The following ANXA8 variants were observed in gnomAD, a reference collection of about 807,000 sequenced individuals.
The protein encoded by ANXA8 is annexin A8.
In ANXA8, 9 loss-of-function variants were observed where a neutral mutation model predicts 26.8. The observed-to-expected ratio is 0.34, with a 90% CI of 0.20 to 0.59. The LOEUF (loss-of-function observed/expected upper bound fraction) is 0.59, where lower values mean the gene tolerates loss of function less well. Ranked by LOEUF, ANXA8 falls within the 20% of genes least tolerant of loss-of-function variation. ANXA8 has a pLI of 0.84. For synonymous variants in ANXA8, 39 were observed against 94.8 expected, an observed-to-expected ratio of 0.41 and a Z score of 3.42; for missense variants, 83 against 238.5, an observed-to-expected ratio of 0.35 and a Z score of 4.29.
chr10:47,955,471 C>CT, the ANXA8 span, among the ~76,000 whole-genome samples: 10 of 149,772 alleles, frequency 6.7e-5, no homozygotes, highest in Non-Finnish European at 1.3e-4. Context: ...TACCTGGGCT[C>CT]TATGGCATAG....
the ANXA8 span, chr10:47,970,106 C>T: frequency 6.6e-6 from 1 of 151,460 alleles, no homozygotes. Context: ...GTGGAGAGAT[C>T]CTGGGCTTGG....
At chr10:47,653,581 G>A in the ANXA8 span, among the ~76,000 whole-genome samples, 1 of 150,486 alleles carries the variant, frequency 6.6e-6, no homozygotes, top group African/African-American at 2.5e-5. Flanking sequence ...GGGTTTCCAA[G>A]TGGAGAGTTG....
the ANXA8 span, among the ~76,000 whole-genome samples, chr10:47,945,071 A>T: frequency 6.7e-6 from 1 of 150,002 alleles, no homozygotes; most frequent in Non-Finnish European, 1.5e-5. Context: ...CTTCTATGTC[A>T]CTCCCTCTGG....
chr10:47,968,783 G>A, the ANXA8 span, among the ~76,000 whole-genome samples: 4 of 150,060 alleles, frequency 2.7e-5, no homozygotes, highest in Admixed American at 6.7e-5. Context: ...CCACTGACTC[G>A]GTCAGTCATG....
the ANXA8 span, among the ~76,000 whole-genome samples, chr10:47,703,767 A>T: frequency 6.7e-6 from 1 of 148,520 alleles, no homozygotes; most frequent in Admixed American, 6.8e-5. Flanking sequence ...ATAAATTTAT[A>T]AGAAAACTCT....
chr10:47,709,290 G>A, the ANXA8 span, among the ~76,000 whole-genome samples: 2 of 147,590 alleles, frequency 1.4e-5, no homozygotes, highest in Non-Finnish European at 3.0e-5. Context: ...CTAAAGGAAG[G>A]AAAGAAGAAT....
the ANXA8 span, among the ~76,000 whole-genome samples, chr10:47,649,699 G>A: frequency 2.0e-5 from 3 of 150,106 alleles, no homozygotes; most frequent in South Asian, 2.1e-4. Context: ...CAGCCACTGC[G>A]CCTGGCCCTT....
At chr10:47,648,293 C>A in the ANXA8 span, among the ~76,000 whole-genome samples, 1 of 151,584 alleles carries the variant, frequency 6.6e-6, no homozygotes, top group Non-Finnish European at 1.5e-5. Context: ...GCTTGCTGAT[C>A]CCCATCACGG....
the ANXA8 span, among the ~76,000 whole-genome samples, chr10:47,683,168 A>C: frequency 2.6e-5 from 4 of 151,940 alleles, no homozygotes; most frequent in African/African-American, 9.7e-5. Context: ...AGTTGCATAA[A>C]AAGTGGACAT....
the ANXA8 span, among the ~76,000 whole-genome samples, chr10:47,597,309 C>T: frequency 2.7e-5 from 4 of 149,174 alleles, 1 homozygote; most frequent in Non-Finnish European, 5.9e-5. Flanking sequence ...TTATACTAAA[C>T]AGGCAAAAGT....
the ANXA8 span, among the ~76,000 whole-genome samples, chr10:47,657,227 G>A: frequency 3.3e-5 from 5 of 151,678 alleles, no homozygotes; most frequent in Non-Finnish European, 5.9e-5. Flanking sequence ...TTATCTTACT[G>A]TAATTTGTTT....
the ANXA8 span, among the ~76,000 whole-genome samples, chr10:47,981,166 T>C: frequency 3.3e-5 from 5 of 151,732 alleles, 1 homozygote; most frequent in Non-Finnish European, 5.9e-5. Context: ...ATAAATCTAA[T>C]TAATACACCA....
chr10:47,686,614 C>A, the ANXA8 span, among the ~76,000 whole-genome samples: 2 of 151,902 alleles, frequency 1.3e-5, no homozygotes, highest in Admixed American at 1.3e-4. Context: ...AGCATAATGC[C>A]CAGCACGTAA....
the ANXA8 span, among the ~76,000 whole-genome samples, chr10:47,627,585 C>T: frequency 2.0e-5 from 3 of 149,942 alleles, no homozygotes; most frequent in Admixed American, 6.6e-5. Context: ...TATTTATAAA[C>T]TCATACTCTT....
chr10:47,918,433 G>A, the ANXA8 span, among the ~76,000 whole-genome samples: 330 of 25,562 alleles, frequency 0.013, 4 homozygotes, highest in Admixed American at 0.044. Flanking sequence ...AAGAAAGAAA[G>A]AGAGAGAGAA....
At chr10:47,526,460 A>T in the ANXA8 span, among the ~76,000 whole-genome samples, 1 of 134,330 alleles carries the variant, frequency 7.4e-6, no homozygotes, top group African/African-American at 3.2e-5. Context: ...TTCAACATTA[A>T]GTCCCTTCTA....
chr10:47,470,315 G>T (rs1839295234), intron 11 of ANXA8, among the ~76,000 whole-genome samples: 2 of 149,432 alleles, frequency 1.3e-5, no homozygotes, highest in Non-Finnish European at 3.0e-5. Context: ...ATTTGAAGAG[G>T]GTGGCTTCAT....
chr10:47,605,680 T>C, the ANXA8 span, among the ~76,000 whole-genome samples: 1 of 150,090 alleles, frequency 6.7e-6, no homozygotes, highest in South Asian at 2.1e-4. Flanking sequence ...AGCAGTACAA[T>C]AAAAAATAAA....
chr10:47,486,023 G>C (rs1403395312), upstream of ANXA8, among the ~76,000 whole-genome samples: 1 of 151,582 alleles, frequency 6.6e-6, no homozygotes, highest in Non-Finnish European at 1.5e-5. Flanking sequence ...CAGGAGAATT[G>C]TTTGAACCCA....
Sources: gnomAD v4.1 joint callset for allele counts (sites outside exome capture counted in the v4.1 genomes callset) on GRCh38, gnomAD v4.1.1 for gene constraint, MANE v1.5 for transcripts, NCBI Gene and HGNC (gene_info 2026-07-23, HGNC 2026-07-21) for gene names.